The following GALNTL5 variants were observed in gnomAD, a reference collection of about 807,000 sequenced individuals.
GALNTL5 encodes the protein inactive polypeptide N-acetylgalactosaminyltransferase-like protein 5.
Under a neutral mutation model 51.0 loss-of-function variants are expected in GALNTL5, and 44 were observed. That is an observed-to-expected ratio of 0.86 (90% CI 0.68 to 1.11). GALNTL5 has a LOEUF of 1.11. Among genes scored for constraint, GALNTL5 ranks in the 50% least tolerant of loss-of-function variants. The probability of loss-of-function intolerance (pLI) is 0.00; values close to 1 mark genes in which losing one functional copy is unlikely to be tolerated. For synonymous variants in GALNTL5, 192 were observed against 182.8 expected, an observed-to-expected ratio of 1.05 and a Z score of -0.41; for missense variants, 528 against 531.8, an observed-to-expected ratio of 0.99 and a Z score of 0.07.
At chr7:151,998,255 A>T (rs2081525408) in intron 5 of GALNTL5, among the ~76,000 whole-genome samples, 1 of 152,198 alleles carries the variant, frequency 6.6e-6, no homozygotes, top group South Asian at 2.1e-4. Context: ...ATTTAAAAAT[A>T]TAAAAACATA....
intron 2 of GALNTL5, 146 bp from the exon 3 acceptor site, chr7:151,970,799 A>AT (rs1194859900): frequency 1.0e-5 from 6 of 573,726 alleles, no homozygotes; most frequent in African/African-American, 9.7e-5. Context: ...TTTGCCAAGA[A>AT]TTATTTGACC....
intron 7 of GALNTL5, among the ~76,000 whole-genome samples, chr7:152,011,327 A>C (rs2081735472): frequency 6.6e-6 from 1 of 152,252 alleles, no homozygotes; most frequent in Non-Finnish European, 1.5e-5. Context: ...ACAAAGCTAC[A>C]GGTTCACTTC....
chr7:151,959,597 C>G (rs1276845248), intron 1 of GALNTL5, among the ~76,000 whole-genome samples: 1 of 152,144 alleles, frequency 6.6e-6, no homozygotes, highest in Non-Finnish European at 1.5e-5. Context: ...TTTACATTCC[C>G]CCTCCCTTAA....
chr7:152,000,870 C>G (rs1353962879), intron 5 of GALNTL5, among the ~76,000 whole-genome samples: 1 of 149,732 alleles, frequency 6.7e-6, no homozygotes, highest in East Asian at 2.0e-4. Flanking sequence ...ATTTTTTTCT[C>G]TTTCTTTGTT....
At chr7:151,957,382 T>TAA (rs33975032) in intron 1 of GALNTL5, among the ~76,000 whole-genome samples, 57 of 133,360 alleles carry the variant, frequency 4.3e-4, no homozygotes, top group African/African-American at 1.5e-3. Flanking sequence ...CATCTCTATT[T>TAA]AAAAAAAAAA....
chr7:151,959,001 G>A (rs1345389190), intron 1 of GALNTL5, among the ~76,000 whole-genome samples: 29 of 152,144 alleles, frequency 1.9e-4, no homozygotes, highest in Admixed American at 1.9e-3. Context: ...TTCCAGGTGG[G>A]CCTGGAAATA....
At chr7:151,982,555 A>G (rs1311406913) in intron 3 of GALNTL5, among the ~76,000 whole-genome samples, 1 of 152,206 alleles carries the variant, frequency 6.6e-6, no homozygotes, top group Non-Finnish European at 1.5e-5. Context: ...TTCTCTGAAG[A>G]CAGCACAATA....
chr7:151,990,512 C>T lies in GALNTL5; in HGVS notation c.658+3231C>T, dbSNP rs182357420. Among the ~76,000 whole-genome samples, 273 of 132,950 alleles carry T rather than the reference C, an allele frequency of 2.1e-3. 1 individual carries two copies. Among genetic ancestry groups the T allele is most frequent in the African/African-American group, 7.0e-3 (250 of 35,596 alleles). The allele number at this position is 132,950 out of a possible 152,430, so 87.2% of individuals were successfully genotyped here. A position where few individuals can be genotyped will look rare whatever the true frequency, so the allele number is the denominator to read the frequency against. On this transcript the variant is annotated intron_variant, in intron 5 of 8. Coordinates refer to ENST00000392800, the MANE Select transcript of GALNTL5 (RefSeq NM_145292.4). Reference sequence around the variant, plus strand: ...AGGAGAATGGCGTGAACCCGGGAGGCGGAGCTTGCAGTGAGCCGAGATTGC... The same window carrying T: ...AGGAGAATGGCGTGAACCCGGGAGGTGGAGCTTGCAGTGAGCCGAGATTGC...
At chr7:152,002,693 G>A (rs2081595481) in intron 5 of GALNTL5, 21 bp from the exon 6 acceptor site, 5 of 1,612,796 alleles carry the variant, frequency 3.1e-6, no homozygotes, top group Non-Finnish European at 4.2e-6. Flanking sequence ...GACTAACATT[G>A]CCCTGTTCTT....
intron 7 of GALNTL5, among the ~76,000 whole-genome samples, chr7:152,012,124 T>C (rs1445442068): frequency 6.6e-6 from 1 of 152,144 alleles, no homozygotes; most frequent in African/African-American, 2.4e-5. Flanking sequence ...CACAGCACAT[T>C]TATACCTCTG....
At chr7:151,983,252 A>G in intron 4 of GALNTL5, 100 bp downstream of exon 4, 2 of 979,038 alleles carry the variant, frequency 2.0e-6, no homozygotes, top group Non-Finnish European at 3.2e-6. Flanking sequence ...ATCTCGGCTC[A>G]CTGCAACCTC....
intron 5 of GALNTL5, among the ~76,000 whole-genome samples, chr7:151,993,613 G>A (rs190570804): frequency 1.8e-3 from 275 of 152,202 alleles, no homozygotes; most frequent in African/African-American, 6.5e-3. Flanking sequence ...CAATGTCTAT[G>A]TGTATTTTAT....
chr7:152,014,276 G>A (rs1024254955), intron 7 of GALNTL5, among the ~76,000 whole-genome samples: 1 of 152,078 alleles, frequency 6.6e-6, no homozygotes, highest in African/African-American at 2.4e-5. Context: ...TGTGGTTGTC[G>A]TTTTTTGTTT....
chr7:151,969,421 C>T (rs2081100259), intron 2 of GALNTL5, among the ~76,000 whole-genome samples: 1 of 152,130 alleles, frequency 6.6e-6, no homozygotes, highest in Non-Finnish European at 1.5e-5. Context: ...CCATCCAAAC[C>T]CAATGAATGG....
intron 7 of GALNTL5, among the ~76,000 whole-genome samples, chr7:152,011,718 G>A (rs528573575): frequency 1.3e-5 from 2 of 152,310 alleles, no homozygotes; most frequent in African/African-American, 2.4e-5. Context: ...ACCTGCACAA[G>A]GGAGAATTAG....
At chr7:151,996,472 G>A (rs1174639441) in intron 5 of GALNTL5, among the ~76,000 whole-genome samples, 1 of 152,174 alleles carries the variant, frequency 6.6e-6, no homozygotes, top group Non-Finnish European at 1.5e-5. Flanking sequence ...GGGTGCCGTG[G>A]CTCACGCCTG....
chr7:151,989,584 G>T (rs761341742), intron 5 of GALNTL5, among the ~76,000 whole-genome samples: 2 of 152,316 alleles, frequency 1.3e-5, no homozygotes, highest in Non-Finnish European at 2.9e-5. Flanking sequence ...GATTGATTGT[G>T]CCTGTAAGAT....
chr7:151,988,466 C>T (rs756994094), intron 5 of GALNTL5, among the ~76,000 whole-genome samples: 2 of 152,150 alleles, frequency 1.3e-5, no homozygotes, highest in Non-Finnish European at 2.9e-5. Flanking sequence ...GCAGGAAACA[C>T]CTCCTTAAGG....
intron 5 of GALNTL5, among the ~76,000 whole-genome samples, chr7:151,998,528 T>C (rs1236822372): frequency 2.0e-5 from 3 of 152,136 alleles, no homozygotes; most frequent in South Asian, 2.1e-4. Context: ...TCCCAGCACT[T>C]TGGAAGGCTG....
Sources: gnomAD v4.1 joint callset for allele counts (sites outside exome capture counted in the v4.1 genomes callset) on GRCh38, gnomAD v4.1.1 for gene constraint, MANE v1.5 for transcripts, NCBI Gene and HGNC (gene_info 2026-07-23, HGNC 2026-07-21) for gene names.